Variants in IGF1R observed in about 807,000 individuals in gnomAD.
IGF1R encodes the protein insulin like growth factor 1 receptor.
In IGF1R, 44 loss-of-function variants were observed where a neutral mutation model predicts 144.6. That is an observed-to-expected ratio of 0.30 (90% CI 0.24 to 0.39). The LOEUF (loss-of-function observed/expected upper bound fraction) is 0.39, where lower values mean the gene tolerates loss of function less well. Ranked by LOEUF, IGF1R falls within the 10% of genes least tolerant of loss-of-function variation. IGF1R has a pLI of 1.00. For synonymous variants in IGF1R, 795 were observed against 722.8 expected (o/e 1.10, Z -1.60); for missense variants, 1,355 against 1,833.7 (o/e 0.74, Z 4.77).
intron 2 of IGF1R, among the ~76,000 whole-genome samples, chr15:98,792,523 G>T (rs1567131573): frequency 6.6e-6 from 1 of 152,170 alleles, no homozygotes; most frequent in Non-Finnish European, 1.5e-5. Flanking sequence ...CCATGAATCT[G>T]TGGTTATCTT....
intron 2 of IGF1R, among the ~76,000 whole-genome samples, chr15:98,723,796 G>C (rs1222491748): frequency 6.6e-6 from 1 of 152,194 alleles, no homozygotes; most frequent in Non-Finnish European, 1.5e-5. Flanking sequence ...GGGAAGACTT[G>C]CTGTATCTAT....
At chr15:98,700,127 C>T (rs1430444533) in intron 1 of IGF1R, among the ~76,000 whole-genome samples, 2 of 152,102 alleles carry the variant, frequency 1.3e-5, no homozygotes, top group Non-Finnish European at 2.9e-5. Context: ...TCCCTCTTTT[C>T]TGATCTCTGA....
chr15:98,878,363 A>C (rs1426609500), intron 2 of IGF1R, among the ~76,000 whole-genome samples: 1 of 152,238 alleles, frequency 6.6e-6, no homozygotes, highest in East Asian at 1.9e-4. Context: ...ACAACCAGTC[A>C]AGTTACAAAT....
intron 2 of IGF1R, among the ~76,000 whole-genome samples, chr15:98,768,614 CAA>C (rs57466735): frequency 0.079 from 9,233 of 116,340 alleles, 362 homozygotes; most frequent in Middle Eastern, 0.095. Flanking sequence ...GACTCCATCT[CAA>C]AAAAAAAAAA....
intron 2 of IGF1R, among the ~76,000 whole-genome samples, chr15:98,871,726 A>T (rs2012796163): frequency 6.6e-6 from 1 of 152,230 alleles, no homozygotes; most frequent in Non-Finnish European, 1.5e-5. Flanking sequence ...ATCTTGTGAG[A>T]CATATTAACT....
intron 15 of IGF1R, among the ~76,000 whole-genome samples, chr15:98,931,976 C>G (rs1300036173): frequency 1.3e-5 from 2 of 152,206 alleles, no homozygotes; most frequent in Non-Finnish European, 2.9e-5. Context: ...CCACTTTCTC[C>G]CTCTGTGAGG....
At position 98,913,137 on chromosome 15, in the gene IGF1R, C is replaced by T. The variant is rs143784321; in HGVS notation, c.1683C>T (p.Asp561=). The T allele has an allele frequency of 5.3e-5, 86 of 1,614,068 alleles. No individual in the cohort carries two copies. The African/African-American group carries it at 8.3e-4, about 16-fold the overall frequency. Residue 561 remains aspartate (D), a synonymous_variant, in exon 8 of 21, where the codon GAC becomes GAT. Coordinates refer to ENST00000650285, the MANE Select transcript of IGF1R (RefSeq NM_000875.5). ...MVDVDLPPNK[D]VEPGILLHGL... ...ACGTGGACCTCCCGCCCAACAAGGACGTGGAGCCCGGCATCTTACTACATG... is the reference window on the plus strand; with the variant it reads ...ACGTGGACCTCCCGCCCAACAAGGATGTGGAGCCCGGCATCTTACTACATG...
chr15:98,898,819 A>G (rs1051971789), intron 4 of IGF1R, among the ~76,000 whole-genome samples: 3 of 152,214 alleles, frequency 2.0e-5, no homozygotes, highest in African/African-American at 7.2e-5. Context: ...TGTTGTTTGC[A>G]TATTATGTTT....
At chr15:98,664,405 CTG>C (rs1440347978) in intron 1 of IGF1R, among the ~76,000 whole-genome samples, 1 of 152,160 alleles carries the variant, frequency 6.6e-6, no homozygotes, top group Non-Finnish European at 1.5e-5. Context: ...TGGCTCATGC[CTG>C]TAATCCCAGC....
chr15:98,931,696 T>TA (rs61131708), intron 15 of IGF1R, among the ~76,000 whole-genome samples: 213 of 146,370 alleles, frequency 1.5e-3, no homozygotes, highest in African/African-American at 4.8e-3. Flanking sequence ...TCTTTCCCTT[T>TA]AAAAAAAAAA....
chr15:98,885,602 A>G (rs897768862), intron 2 of IGF1R, among the ~76,000 whole-genome samples: 4 of 152,194 alleles, frequency 2.6e-5, no homozygotes, highest in Admixed American at 6.5e-5. Context: ...TATATGGAAC[A>G]GTGGTGTGTA....
rs969269554 is a variant in IGF1R, at chr15:98,963,399, A to G, written c.*5957A>G. 1.7e-5 allele frequency: 4 copies of G among 233,312 alleles called. No individual in the cohort carries two copies. Among genetic ancestry groups the G allele is most frequent in the Non-Finnish European group, 2.5e-5 (3 of 118,078 alleles). 14.5% of individuals were successfully genotyped at this position (233,312 alleles called of 1,614,324 possible). ...TGTATCTTCAGTATCTTGGTCTTCC[A>G]GAACCCTCTGGTTGGGAAGGGGATC... On this transcript the variant is annotated 3_prime_UTR_variant, in exon 21 of 21. Coordinates refer to ENST00000650285, the MANE Select transcript of IGF1R (RefSeq NM_000875.5).
At chr15:98,665,427 T>C (rs1379534209) in intron 1 of IGF1R, among the ~76,000 whole-genome samples, 2 of 152,072 alleles carry the variant, frequency 1.3e-5, no homozygotes, top group African/African-American at 4.8e-5. Flanking sequence ...GAGGCCATGG[T>C]GATGGATCAT....
chr15:98,796,969 T>G (rs1235206459), intron 2 of IGF1R, among the ~76,000 whole-genome samples: 1 of 152,190 alleles, frequency 6.6e-6, no homozygotes, highest in Non-Finnish European at 1.5e-5. Flanking sequence ...CTTGGATGTC[T>G]TGGGGTGCTG....
At chr15:98,652,147 A>G (rs2052384496) in intron 1 of IGF1R, among the ~76,000 whole-genome samples, 1 of 152,230 alleles carries the variant, frequency 6.6e-6, no homozygotes, top group African/African-American at 2.4e-5. Flanking sequence ...TAGTTTCTGA[A>G]GCAGAGGCAG....
At chr15:98,705,786 A>G (rs943051407) in intron 1 of IGF1R, among the ~76,000 whole-genome samples, 4 of 152,200 alleles carry the variant, frequency 2.6e-5, no homozygotes, top group Non-Finnish European at 4.4e-5. Flanking sequence ...AAGGCCTCAC[A>G]TGGGCTTCTC....
intron 2 of IGF1R, among the ~76,000 whole-genome samples, chr15:98,857,052 C>T (rs950625442): frequency 6.6e-6 from 1 of 151,610 alleles, no homozygotes; most frequent in African/African-American, 2.4e-5. Context: ...ATTCTACAAT[C>T]GAATGTACAA....
At chr15:98,654,868 A>G (rs1567059416) in intron 1 of IGF1R, among the ~76,000 whole-genome samples, 1 of 152,206 alleles carries the variant, frequency 6.6e-6, no homozygotes, top group Admixed American at 6.5e-5. Context: ...CAAAGTGCCT[A>G]ATGAGTGATG....
intron 2 of IGF1R, among the ~76,000 whole-genome samples, chr15:98,712,090 A>G (rs1015165232): frequency 5.9e-5 from 9 of 152,304 alleles, no homozygotes; most frequent in Non-Finnish European, 1.0e-4. Flanking sequence ...TTGAGGGGAC[A>G]TAAACATTCA....
Sources: allele counts gnomAD v4.1 joint callset (sites outside exome capture counted in the v4.1 genomes callset), GRCh38; gene constraint gnomAD v4.1.1; transcripts MANE v1.5; gene names NCBI Gene and HGNC (gene_info 2026-07-23, HGNC 2026-07-21).